The following SAMD8 variants were observed in gnomAD, a reference collection of about 807,000 sequenced individuals.
SAMD8 encodes sphingomyelin synthase-related protein 1.
Under a neutral mutation model 42.0 loss-of-function variants are expected in SAMD8, and 20 were observed. The observed-to-expected ratio is 0.48, with a 90% CI of 0.34 to 0.69. SAMD8 has a LOEUF of 0.69. SAMD8 is among the 30% of genes least tolerant of loss of function. SAMD8 has a pLI of 0.01. For missense variants in SAMD8, 328 were observed against 511.6 expected (o/e 0.64, Z 3.46); for synonymous variants, 162 against 173.0 (o/e 0.94, Z 0.50).
In SAMD8 at chr10:75,150,095, CAT is replaced by C. The variant is rs772610432; in HGVS notation, c.-15-405_-15-404del. Among the ~76,000 whole-genome samples, 269 of 146,760 alleles carry C rather than the reference CAT, an allele frequency of 1.8e-3. 1 individual carries two copies. Among genetic ancestry groups the C allele is most frequent in the African/African-American group, 6.1e-3 (243 of 40,136 alleles). ...GTGTACATCTCTCTCTCTCTCTCTA[CAT>C]ATATATATATATAGTTTTTTGTTTT... is the stretch of plus-strand genomic sequence containing the variant. On this transcript the variant is annotated intron_variant, in intron 1 of 5. Coordinates refer to ENST00000542569, the MANE Select transcript of SAMD8 (RefSeq NM_001174156.2).
At chr10:75,148,454 C>T (rs896233220) in intron 1 of SAMD8, among the ~76,000 whole-genome samples, 37 of 149,662 alleles carry the variant, frequency 2.5e-4, no homozygotes, top group African/African-American at 9.1e-4. Context: ...CCCAGGTTCA[C>T]GCCATCCTCC....
chr10:75,150,429 TG>T (rs781645962), intron 1 of SAMD8, 84 bp from the exon 2 acceptor site: 1 of 1,489,706 alleles, frequency 6.7e-7, no homozygotes, highest in Non-Finnish European at 8.9e-7. Flanking sequence ...GGCCTGTTTC[TG>T]GTGTATTTAT....
chr10:75,109,168 G>T, upstream of SAMD8: 1 of 1,560,334 alleles, frequency 6.4e-7, no homozygotes, highest in Non-Finnish European at 8.7e-7. Flanking sequence ...GGGCCAGCCC[G>T]CCCACCCCTC....
chr10:75,107,904 A>C (rs2134397146), upstream of SAMD8: 3 of 1,411,652 alleles, frequency 2.1e-6, no homozygotes, highest in South Asian at 1.4e-5. Flanking sequence ...AAAAGCAGGG[A>C]TGGGAGGGCA....
At chr10:75,111,399 G>C (rs938542862), upstream of SAMD8, 5 of 757,602 alleles carry the variant, frequency 6.6e-6, no homozygotes, top group Non-Finnish European at 7.1e-6. Flanking sequence ...TTCTCCTCTC[G>C]GGCCCATCTG....
intron 1 of SAMD8, among the ~76,000 whole-genome samples, chr10:75,134,727 G>A (rs1849347704): frequency 6.6e-6 from 1 of 152,026 alleles, no homozygotes; most frequent in South Asian, 2.1e-4. Context: ...TATATTTCAA[G>A]GTAGCTAGAA....
intron 1 of SAMD8, among the ~76,000 whole-genome samples, chr10:75,118,519 C>G (rs961975653): frequency 6.6e-6 from 1 of 152,146 alleles, no homozygotes; most frequent in African/African-American, 2.4e-5. Context: ...TGGTGTGCCC[C>G]TATAGTCCCA....
At chr10:75,141,148 G>A (rs1022242062) in intron 1 of SAMD8, among the ~76,000 whole-genome samples, 1 of 152,100 alleles carries the variant, frequency 6.6e-6, no homozygotes, top group African/African-American at 2.4e-5. Context: ...TTCGAGATGG[G>A]TCTGGGCAAC....
At chr10:75,174,112 G>T (rs1472562526) in intron 4 of SAMD8, among the ~76,000 whole-genome samples, 2 of 151,964 alleles carry the variant, frequency 1.3e-5, no homozygotes, top group Non-Finnish European at 2.9e-5. Flanking sequence ...TGTGGTTTTT[G>T]TTGTTGTTGT....
At chr10:75,171,662 TACTC>T (rs1295537077) in intron 4 of SAMD8, among the ~76,000 whole-genome samples, 3 of 152,222 alleles carry the variant, frequency 2.0e-5, no homozygotes, top group Non-Finnish European at 2.9e-5. Flanking sequence ...CTTTTGCACT[TACTC>T]AGTTATCTCC....
intron 1 of SAMD8, among the ~76,000 whole-genome samples, chr10:75,132,171 C>T (rs1004481556): frequency 1.3e-5 from 2 of 152,212 alleles, no homozygotes; most frequent in Non-Finnish European, 2.9e-5. Flanking sequence ...CAGGTACTCT[C>T]TGCTCTGTGG....
chr10:75,115,371 A>T (rs548256805), intron 1 of SAMD8, among the ~76,000 whole-genome samples: 1 of 152,300 alleles, frequency 6.6e-6, no homozygotes, highest in South Asian at 2.1e-4. Flanking sequence ...GGCCTTGAGA[A>T]ATCAAGATGT....
At chr10:75,152,827 C>T (rs956161616) in intron 2 of SAMD8, among the ~76,000 whole-genome samples, 1 of 152,200 alleles carries the variant, frequency 6.6e-6, no homozygotes, top group African/African-American at 2.4e-5. Flanking sequence ...AGTTACACCA[C>T]TGCACTCCAG....
At chr10:75,111,584 C>G (rs929795166), upstream of SAMD8, 19 of 1,252,684 alleles carry the variant, frequency 1.5e-5, no homozygotes, top group Non-Finnish European at 1.9e-5. Context: ...CCCGCCTCCA[C>G]TCCGGCTCCC....
intron 1 of SAMD8, among the ~76,000 whole-genome samples, chr10:75,101,242 G>A (rs1848139574): frequency 6.6e-6 from 1 of 152,228 alleles, no homozygotes; most frequent in Non-Finnish European, 1.5e-5. Flanking sequence ...CACCAAGCCA[G>A]TTTCTTCAGT....
At chr10:75,120,708 T>A (rs1452813463) in intron 1 of SAMD8, among the ~76,000 whole-genome samples, 2 of 152,082 alleles carry the variant, frequency 1.3e-5, no homozygotes, top group South Asian at 2.1e-4. Context: ...AGAACCTCTA[T>A]TTTATATTAT....
intron 1 of SAMD8, among the ~76,000 whole-genome samples, chr10:75,117,420 TAA>T (rs56378736): frequency 1.4e-5 from 2 of 139,454 alleles, no homozygotes; most frequent in Admixed American, 1.4e-4. Flanking sequence ...GGCCCTATCT[TAA>T]AAAAAAAAAA....
At chr10:75,149,113 A>G (rs1484514882) in intron 1 of SAMD8, among the ~76,000 whole-genome samples, 1 of 152,216 alleles carries the variant, frequency 6.6e-6, no homozygotes, top group Non-Finnish European at 1.5e-5. Flanking sequence ...TGGAAATACA[A>G]TCTTCAGAGG....
chr10:75,178,827 G>A lies in SAMD8; in HGVS notation c.*2135G>A, dbSNP rs1343855250. The A allele has an allele frequency of 2.0e-5, 3 of 152,244 alleles. No homozygotes were observed. The highest frequency in any genetic ancestry group is 7.2e-5 in the African/African-American group (3 of 41,438). The allele number at this position is 152,244 out of a possible 1,614,324, so 9.4% of individuals were successfully genotyped here. A position where few individuals can be genotyped will look rare whatever the true frequency, so the allele number is the denominator to read the frequency against. ...GCGGATGGCTTGAGGTCAGGAGTTC[G>A]AGATTAGCCTGGCCAATATGGTGAA... On this transcript the variant is annotated 3_prime_UTR_variant, in exon 6 of 6. Transcript: ENST00000542569.
Sources: gnomAD v4.1 joint callset for allele counts (sites outside exome capture counted in the v4.1 genomes callset) on GRCh38, gnomAD v4.1.1 for gene constraint, MANE v1.5 for transcripts, NCBI Gene and HGNC (gene_info 2026-07-23, HGNC 2026-07-21) for gene names.